Variants in OSBPL10 observed in about 807,000 individuals in gnomAD.
OSBPL10 encodes oxysterol-binding protein-related protein 10.
Under a neutral mutation model 81.7 loss-of-function variants are expected in OSBPL10, and 49 were observed. That is an observed-to-expected ratio of 0.60 (90% CI 0.48 to 0.76). The LOEUF (loss-of-function observed/expected upper bound fraction) is 0.76. OSBPL10 is among the 30% of genes least tolerant of loss of function. The pLI is 0.00. For synonymous variants in OSBPL10, 419 were observed against 383.6 expected (o/e 1.09, Z -1.08); for missense variants, 923 against 987.8 (o/e 0.93, Z 0.88).
intron 1 of OSBPL10, among the ~76,000 whole-genome samples, chr3:32,066,262 C>A (rs546311076): frequency 1.1e-5 from 1 of 91,720 alleles, no homozygotes; most frequent in African/African-American, 2.8e-5. Flanking sequence ...TATATTATCA[C>A]CCTAGCCTGC....
At chr3:31,720,904 A>G (rs913894895) in intron 6 of OSBPL10, among the ~76,000 whole-genome samples, 3 of 147,566 alleles carry the variant, frequency 2.0e-5, no homozygotes, top group South Asian at 4.4e-4. Flanking sequence ...AAAAAAAAAA[A>G]GGCCCAAAGA....
chr3:31,784,733 C>G (rs1282248551), intron 4 of OSBPL10, among the ~76,000 whole-genome samples: 1 of 152,018 alleles, frequency 6.6e-6, no homozygotes, highest in African/African-American at 2.4e-5. Context: ...CAGGCATGCA[C>G]CACCATGCAC....
chr3:32,026,053 TAGATGATA>T lies in OSBPL10; in HGVS notation n.298+20430_298+20437del, dbSNP rs572137124. 6.3e-3 allele frequency among the ~76,000 whole-genome samples: 754 copies of T among 119,336 alleles called. 3 individuals are homozygous for T. Among genetic ancestry groups the T allele is most frequent in the Non-Finnish European group, 8.7e-3 (504 of 58,142 alleles). 78.3% of individuals were successfully genotyped at this position (119,336 alleles called of 152,430 possible). ...ATAGATAGATAGATAGATAGATAGA[TAGATGATA>T]GATAGATAGATAGATAGATAGATAG... is the stretch of plus-strand genomic sequence containing the variant. On this transcript the variant is annotated intron_variant and non_coding_transcript_variant, in intron 2 of 3. Coordinates refer to the OSBPL10 transcript ENST00000479173.
intron 2 of OSBPL10, among the ~76,000 whole-genome samples, chr3:32,004,570 A>T (rs183064769): frequency 8.5e-5 from 13 of 152,342 alleles, no homozygotes; most frequent in Admixed American, 2.0e-4. Flanking sequence ...GTTTCCAGGC[A>T]TCACATTCTT....
intron 7 of OSBPL10, among the ~76,000 whole-genome samples, chr3:31,697,789 G>A (rs984477620): frequency 6.6e-6 from 1 of 151,532 alleles, no homozygotes; most frequent in Non-Finnish European, 1.5e-5. Flanking sequence ...TTGAGATGGA[G>A]TCTTGCACTG....
intron 3 of OSBPL10, among the ~76,000 whole-genome samples, chr3:31,863,138 T>C (rs9861769): frequency 0.032 from 4,922 of 151,842 alleles, 272 homozygotes; most frequent in African/African-American, 0.11. Context: ...GAAAACACTA[T>C]GCTAAGTGAA....
At chr3:31,901,898 C>T (rs902407984) in intron 1 of OSBPL10, among the ~76,000 whole-genome samples, 2 of 152,076 alleles carry the variant, frequency 1.3e-5, no homozygotes, top group Non-Finnish European at 2.9e-5. Flanking sequence ...GGTATGGTGC[C>T]GCGCACCTGT....
intron 4 of OSBPL10, among the ~76,000 whole-genome samples, chr3:31,783,789 T>TAA (rs869137696): frequency 3.0e-4 from 6 of 19,952 alleles, no homozygotes; most frequent in African/African-American, 4.6e-4. Flanking sequence ...AGACTCCGAT[T>TAA]AAAAAAAAAA....
chr3:31,976,250 A>G (rs1698694150), intron 1 of OSBPL10, among the ~76,000 whole-genome samples: 1 of 152,228 alleles, frequency 6.6e-6, no homozygotes, highest in Non-Finnish European at 1.5e-5. Flanking sequence ...GTATCTTGCT[A>G]TGTACTATTC....
intron 4 of OSBPL10, among the ~76,000 whole-genome samples, chr3:31,792,581 G>T (rs1270495342): frequency 6.6e-6 from 1 of 152,108 alleles, no homozygotes; most frequent in East Asian, 1.9e-4. Context: ...AGACACACTG[G>T]GTGGGTGATT....
intron 5 of OSBPL10, among the ~76,000 whole-genome samples, chr3:31,740,773 G>A (rs551738805): frequency 1.0e-4 from 15 of 143,726 alleles, no homozygotes; most frequent in East Asian, 3.9e-4. Flanking sequence ...GTGAGACTCC[G>A]TATCTCAAAA....
At chr3:31,879,211 G>A (rs1435713136) in intron 2 of OSBPL10, among the ~76,000 whole-genome samples, 1 of 152,134 alleles carries the variant, frequency 6.6e-6, no homozygotes, top group African/African-American at 2.4e-5. Flanking sequence ...TACGACAGTG[G>A]ATTGAACAAA....
intron 2 of OSBPL10, among the ~76,000 whole-genome samples, chr3:31,994,491 A>AGGATGGATGGATGGAT (rs200832488): frequency 4.7e-5 from 7 of 149,648 alleles, no homozygotes; most frequent in African/African-American, 1.2e-4. Flanking sequence ...AGGGAAAAAA[A>AGGATGGATGGATGGAT]GGATGGATGG....
At chr3:32,014,605 G>T (rs1699296116) in intron 2 of OSBPL10, among the ~76,000 whole-genome samples, 1 of 152,130 alleles carries the variant, frequency 6.6e-6, no homozygotes, top group Non-Finnish European at 1.5e-5. Context: ...GGGCAATCAG[G>T]CAGGAAAAGG....
intron 1 of OSBPL10, among the ~76,000 whole-genome samples, chr3:32,047,846 T>C (rs1699637346): frequency 6.6e-6 from 1 of 152,014 alleles, no homozygotes; most frequent in Non-Finnish European, 1.5e-5. Context: ...GTATTGTTTT[T>C]AGTAGAGATG....
At chr3:31,718,123 T>G (rs1243532891) in intron 6 of OSBPL10, 1 of 151,798 alleles carries the variant, frequency 6.6e-6, no homozygotes, top group African/African-American at 2.4e-5. Context: ...CCATTTCTTC[T>G]TCTTCTTTTT....
At chr3:31,987,631 G>A (rs1326238953) in intron 2 of OSBPL10, among the ~76,000 whole-genome samples, 1 of 152,164 alleles carries the variant, frequency 6.6e-6, no homozygotes, top group Non-Finnish European at 1.5e-5. Context: ...AATCCACAGG[G>A]TCTCTCATCC....
intron 6 of OSBPL10, among the ~76,000 whole-genome samples, chr3:31,712,361 C>T (rs148150306): frequency 9.8e-5 from 15 of 152,286 alleles, no homozygotes; most frequent in East Asian, 7.7e-4. Context: ...CCTGTGTATA[C>T]GGCACTTTAA....
At chr3:31,674,625 A>AGATAGATG in intron 8 of OSBPL10, among the ~76,000 whole-genome samples, 1 of 140,888 alleles carries the variant, frequency 7.1e-6, no homozygotes, top group Non-Finnish European at 1.5e-5. Flanking sequence ...ATAGATAGAT[A>AGATAGATG]GATGGAAAAG....
Sources: gnomAD v4.1 joint callset for allele counts (sites outside exome capture counted in the v4.1 genomes callset) on GRCh38, gnomAD v4.1.1 for gene constraint, MANE v1.5 for transcripts, NCBI Gene and HGNC (gene_info 2026-07-23, HGNC 2026-07-21) for gene names.